The following RHBDD1 variants were observed in gnomAD, a reference collection of about 807,000 sequenced individuals.
RHBDD1 encodes rhomboid domain containing 1.
RHBDD1 carries 38 observed loss-of-function variants against 36.3 expected under a neutral mutation model. The observed-to-expected ratio is 1.05, with a 90% CI of 0.81 to 1.37. RHBDD1 has a LOEUF of 1.37. Ranked by LOEUF, RHBDD1 falls within the 40% of genes most tolerant of loss-of-function variation. RHBDD1 has a pLI of 0.00. For synonymous variants in RHBDD1, 151 were observed against 136.5 expected (o/e 1.11, Z -0.74); for missense variants, 393 against 377.6 (o/e 1.04, Z -0.34).
rs139722262 is a variant in RHBDD1 at position 226,865,010 on chromosome 2, A to G, written c.317A>G (p.Tyr106Cys). Reference sequence around the variant, plus strand: ...AGACTGGGAAGTAGATGGTTTGCCTATGTTATCACCGCATTTTCTGTACTT... The same window carrying G: ...AGACTGGGAAGTAGATGGTTTGCCTGTGTTATCACCGCATTTTCTGTACTT... ...ERRLGSRWFA[Y>C]VITAFSVLTG... The change falls in exon 4 of 9, where the codon TAT becomes TGT. Residue 106 changes from tyrosine (Y) to cysteine (C), a missense_variant. Physicochemically the swap from Tyr to Cys is radical, Grantham distance 194. Coordinates refer to ENST00000392062, the MANE Select transcript of RHBDD1 (RefSeq NM_001167608.3). 4.1e-5 allele frequency: 66 copies of G among 1,614,080 alleles called. No homozygotes were observed. In the East Asian group the frequency reaches 9.1e-4, roughly 22 times the overall value.
chr2:226,981,371 A>T (rs951077847), intron 8 of RHBDD1, among the ~76,000 whole-genome samples: 2 of 151,882 alleles, frequency 1.3e-5, no homozygotes, highest in Non-Finnish European at 2.9e-5. Flanking sequence ...ATAATAAAAA[A>T]TAAATAAATA....
intron 8 of RHBDD1, among the ~76,000 whole-genome samples, chr2:226,939,708 TC>T (rs1258867967): frequency 6.6e-6 from 1 of 152,176 alleles, no homozygotes; most frequent in Non-Finnish European, 1.5e-5. Context: ...GTTTATAGAT[TC>T]AATGCTAGTC....
chr2:226,817,157 G>A, the RHBDD1 span, among the ~76,000 whole-genome samples: 7 of 152,068 alleles, frequency 4.6e-5, no homozygotes, highest in Non-Finnish European at 8.8e-5. Context: ...AGCTATATAC[G>A]CCTAGTAATA....
intron 3 of RHBDD1, among the ~76,000 whole-genome samples, chr2:226,856,299 T>C (rs1482575927): frequency 6.6e-6 from 1 of 152,198 alleles, no homozygotes; most frequent in African/African-American, 2.4e-5. Context: ...AGATTGCGAG[T>C]ATTCAGTTAA....
intron 5 of RHBDD1, among the ~76,000 whole-genome samples, chr2:226,902,227 C>T (rs1010831918): frequency 6.6e-6 from 1 of 152,234 alleles, no homozygotes; most frequent in Non-Finnish European, 1.5e-5. Flanking sequence ...TTCACAACTT[C>T]TGTTTAACAC....
At chr2:226,942,859 G>A (rs969398598) in intron 8 of RHBDD1, among the ~76,000 whole-genome samples, 1 of 152,162 alleles carries the variant, frequency 6.6e-6, no homozygotes, top group Admixed American at 6.6e-5. Flanking sequence ...AAATGTGCTT[G>A]CATTAAGTGT....
At chr2:226,907,536 T>C (rs936680861) in intron 6 of RHBDD1, among the ~76,000 whole-genome samples, 1 of 151,720 alleles carries the variant, frequency 6.6e-6, no homozygotes. Context: ...AACACTTGTT[T>C]TATAGACTGA....
intron 8 of RHBDD1, among the ~76,000 whole-genome samples, chr2:226,934,648 A>G (rs1950226067): frequency 6.6e-6 from 1 of 152,104 alleles, no homozygotes; most frequent in Non-Finnish European, 1.5e-5. Flanking sequence ...ATTTACTACT[A>G]CTAACAAAAA....
chr2:226,800,876 A>C, the RHBDD1 span, among the ~76,000 whole-genome samples: 2 of 152,216 alleles, frequency 1.3e-5, no homozygotes, highest in Non-Finnish European at 2.9e-5. Flanking sequence ...TCATGAGTGG[A>C]CCAGATCAGC....
Position 226,839,416 on chromosome 2 carries a change from C to T in RHBDD1, c.-302C>T, listed in dbSNP as rs185902523. ...CATATTTTTTTTCAACAGGGAGCCT[C>T]TTAAACAGAATCTTACCTGTAAAAC... On this transcript the variant is annotated 5_prime_UTR_variant, in exon 3 of 9. Coordinates refer to ENST00000392062, the MANE Select transcript of RHBDD1 (RefSeq NM_001167608.3). The T allele has an allele frequency of 6.6e-6, 1 of 152,098 alleles. No individual in the cohort carries two copies. Among genetic ancestry groups the T allele is most frequent in the East Asian group, 1.9e-4 (1 of 5,170 alleles). 9.4% of individuals were successfully genotyped at this position (152,098 alleles called of 1,614,324 possible). A position where few individuals can be genotyped will look rare whatever the true frequency, so the allele number is the denominator to read the frequency against.
chr2:226,923,961 G>C (rs76088258), intron 8 of RHBDD1, among the ~76,000 whole-genome samples: 1,534 of 152,216 alleles, frequency 0.01, 11 homozygotes, highest in Non-Finnish European at 0.018. Flanking sequence ...CCAAGGCCTG[G>C]AATCAGGTAC....
intron 8 of RHBDD1, among the ~76,000 whole-genome samples, chr2:226,973,018 G>A (rs889359144): frequency 6.6e-6 from 1 of 152,044 alleles, no homozygotes; most frequent in Non-Finnish European, 1.5e-5. Context: ...GGTAGGCCTG[G>A]ACTTCAAAGT....
At chr2:226,958,786 G>A (rs1951971069) in intron 8 of RHBDD1, among the ~76,000 whole-genome samples, 1 of 149,582 alleles carries the variant, frequency 6.7e-6, no homozygotes, top group Non-Finnish European at 1.5e-5. Context: ...CAGGTTCTTG[G>A]GACATATCTT....
upstream of RHBDD1, among the ~76,000 whole-genome samples, chr2:226,834,147 C>T (rs1940811458): frequency 6.6e-6 from 1 of 152,130 alleles, no homozygotes; most frequent in African/African-American, 2.4e-5. Context: ...ATCACCTCTG[C>T]ATTTGATGTA....
the RHBDD1 span, among the ~76,000 whole-genome samples, chr2:226,801,326 G>A: frequency 2.0e-5 from 3 of 152,230 alleles, no homozygotes; most frequent in Admixed American, 6.5e-5. Flanking sequence ...GCAGAGGGAA[G>A]GTGGGGGTAG....
intron 8 of RHBDD1, among the ~76,000 whole-genome samples, chr2:226,955,181 G>A (rs114957233): frequency 3.9e-5 from 6 of 152,198 alleles, no homozygotes; most frequent in Non-Finnish European, 8.8e-5. Context: ...TGATGATATC[G>A]TCAGGGAGAT....
intron 8 of RHBDD1, among the ~76,000 whole-genome samples, chr2:226,991,416 G>A (rs1422552911): frequency 2.6e-5 from 4 of 152,158 alleles, no homozygotes; most frequent in East Asian, 1.9e-4. Flanking sequence ...TCCTGACCTC[G>A]TGAACCGCCC....
the RHBDD1 span, among the ~76,000 whole-genome samples, chr2:226,813,258 G>T: frequency 1.2e-4 from 19 of 152,314 alleles, no homozygotes; most frequent in African/African-American, 4.6e-4. Context: ...CTTAGATTAG[G>T]TGTAGTGGTT....
At chr2:226,944,245 C>G (rs1018255061) in intron 8 of RHBDD1, among the ~76,000 whole-genome samples, 7 of 152,284 alleles carry the variant, frequency 4.6e-5, no homozygotes, top group South Asian at 2.1e-4. Flanking sequence ...AGAAAATAAC[C>G]TACTACCAAA....
Sources: gnomAD v4.1 joint callset for allele counts (sites outside exome capture counted in the v4.1 genomes callset) on GRCh38, gnomAD v4.1.1 for gene constraint, MANE v1.5 for transcripts, NCBI Gene and HGNC (gene_info 2026-07-23, HGNC 2026-07-21) for gene names.